ZFAND3: variants seen among roughly 807,000 people sequenced by gnomAD.
ZFAND3 encodes the protein zinc finger AN1-type containing 3.
In ZFAND3, 10 loss-of-function variants were observed where a neutral mutation model predicts 29.6. That is an observed-to-expected ratio of 0.34 (90% CI 0.21 to 0.57). The LOEUF (loss-of-function observed/expected upper bound fraction) is 0.57, where lower values mean the gene tolerates loss of function less well. ZFAND3 is among the 20% of genes least tolerant of loss of function. The pLI, the probability that ZFAND3 is intolerant of heterozygous loss-of-function variation, is 0.86. For synonymous variants in ZFAND3, 128 were observed against 112.6 expected, an observed-to-expected ratio of 1.14 and a Z score of -0.87; for missense variants, 230 against 304.5, an observed-to-expected ratio of 0.76 and a Z score of 1.82.
chr6:37,964,502 C>T (rs1327678169), intron 2 of ZFAND3, among the ~76,000 whole-genome samples: 4 of 152,308 alleles, frequency 2.6e-5, no homozygotes, highest in Middle Eastern at 6.8e-3. Context: ...CTCATAGTGT[C>T]AGTGACTGCA....
intron 1 of ZFAND3, among the ~76,000 whole-genome samples, chr6:37,856,133 A>T (rs949893170): frequency 1.3e-5 from 2 of 151,864 alleles, no homozygotes. Context: ...TAGCTGGGAC[A>T]ACAAGCACAA....
At chr6:38,051,248 C>A (rs1294189536) in intron 2 of ZFAND3, among the ~76,000 whole-genome samples, 1 of 152,144 alleles carries the variant, frequency 6.6e-6, no homozygotes, top group Admixed American at 6.5e-5. Context: ...TTTCTCCTGT[C>A]ACATCTGCAT....
intron 1 of ZFAND3, among the ~76,000 whole-genome samples, chr6:37,868,064 T>C (rs938673216): frequency 1.3e-5 from 2 of 152,264 alleles, no homozygotes; most frequent in Non-Finnish European, 2.9e-5. Flanking sequence ...TGATGTTAAT[T>C]GTTAAATTTT....
At chr6:37,991,297 A>G (rs936788254) in intron 2 of ZFAND3, among the ~76,000 whole-genome samples, 1 of 151,358 alleles carries the variant, frequency 6.6e-6, no homozygotes, top group African/African-American at 2.4e-5. Context: ...GATTATTTTT[A>G]TTTTATTAAT....
At chr6:37,899,792 G>A (rs1765285446) in intron 1 of ZFAND3, among the ~76,000 whole-genome samples, 2 of 152,138 alleles carry the variant, frequency 1.3e-5, no homozygotes, top group Admixed American at 6.5e-5. Context: ...ACAGTGAAAA[G>A]TAAATATTTT....
chr6:38,131,204 G>A (rs1272199279), intron 5 of ZFAND3, among the ~76,000 whole-genome samples: 3 of 151,892 alleles, frequency 2.0e-5, no homozygotes, highest in Admixed American at 6.6e-5. Flanking sequence ...TCTCTTCTTA[G>A]TTAATCTTGT....
intron 1 of ZFAND3, among the ~76,000 whole-genome samples, chr6:37,901,624 A>G (rs1389846447): frequency 6.6e-6 from 1 of 152,178 alleles, no homozygotes; most frequent in East Asian, 1.9e-4. Flanking sequence ...TTTCAATAAC[A>G]ACAAAAAAAG....
At chr6:38,142,806 A>T (rs540978680) in intron 5 of ZFAND3, among the ~76,000 whole-genome samples, 1 of 152,312 alleles carries the variant, frequency 6.6e-6, no homozygotes, top group South Asian at 2.1e-4. Flanking sequence ...CAGCTACTGA[A>T]ATGAAATGAT....
In ZFAND3 at chr6:38,152,627, AT is replaced by A. The variant is rs139133392; in HGVS notation, c.*248del. ...TGTATAAAATTAAAACATGAAGAAT[AT>A]TTTTTTTTTGAGCATGGCTAGTGGA... is the stretch of plus-strand genomic sequence containing the variant. On this transcript the variant is annotated 3_prime_UTR_variant, in exon 6 of 6. Coordinates refer to ENST00000287218, the MANE Select transcript of ZFAND3 (RefSeq NM_021943.3). 1,426 of 1,166,522 alleles carry A rather than the reference AT, an allele frequency of 1.2e-3. No individual in the cohort carries two copies. Among genetic ancestry groups the A allele is most frequent in the East Asian group, 4.6e-3 (124 of 26,874 alleles). The allele number at this position is 1,166,522 out of a possible 1,614,324, so 72.3% of individuals were successfully genotyped here.
Position 38,068,764 on chromosome 6 carries a change from T to G in ZFAND3, c.295+6989T>G, listed in dbSNP as rs550022371. On this transcript the variant is annotated intron_variant, in intron 3 of 5. Transcript: ENST00000287218. ...AGAACCATATTAACTGGCATGTTAG[T>G]GAGGATTTTTAATGACTAAAGCTTC... 3.3e-5 allele frequency among the ~76,000 whole-genome samples: 5 copies of G among 152,272 alleles called. No individual in the cohort carries two copies. The South Asian group carries it at 6.2e-4, about 19-fold the overall frequency.
intron 2 of ZFAND3, among the ~76,000 whole-genome samples, chr6:38,031,278 C>A (rs1329977906): frequency 6.6e-6 from 1 of 152,180 alleles, no homozygotes. Flanking sequence ...CTAGAAGTTT[C>A]TTTCACCTTC....
At chr6:38,103,472 TATATATACACAC>T (rs1446302175) in intron 4 of ZFAND3, among the ~76,000 whole-genome samples, 24 of 27,502 alleles carry the variant, frequency 8.7e-4, no homozygotes, top group Non-Finnish European at 9.8e-4. Context: ...TACACGTGTA[TATATATACACAC>T]ATATATACAC....
chr6:38,092,475 C>G (rs1419706208), intron 4 of ZFAND3, among the ~76,000 whole-genome samples: 1 of 152,190 alleles, frequency 6.6e-6, no homozygotes, highest in Non-Finnish European at 1.5e-5. Context: ...TAGATTATGC[C>G]AATCATTAGG....
chr6:37,932,088 G>T (rs1761607261), intron 2 of ZFAND3, among the ~76,000 whole-genome samples: 1 of 152,060 alleles, frequency 6.6e-6, no homozygotes, highest in Non-Finnish European at 1.5e-5. Flanking sequence ...GGCCAACATG[G>T]CGAAACCCCG....
At chr6:38,090,196 T>G (rs902974254) in intron 4 of ZFAND3, among the ~76,000 whole-genome samples, 1 of 152,206 alleles carries the variant, frequency 6.6e-6, no homozygotes, top group African/African-American at 2.4e-5. Context: ...AATTCACTTT[T>G]CAAATCTTTC....
intron 3 of ZFAND3, among the ~76,000 whole-genome samples, chr6:38,081,210 A>C (rs1170071143): frequency 6.6e-6 from 1 of 151,674 alleles, no homozygotes; most frequent in Non-Finnish European, 1.5e-5. Flanking sequence ...GTGGTGACAC[A>C]TAGTAGGTAT....
chr6:38,027,595 T>C (rs1581850757), intron 2 of ZFAND3, among the ~76,000 whole-genome samples: 1 of 152,232 alleles, frequency 6.6e-6, no homozygotes, highest in Admixed American at 6.5e-5. Flanking sequence ...GTGTAACTTA[T>C]CTAGCTTTCA....
rs1766281155 is a variant in ZFAND3, at chr6:38,153,557, C to G, written c.*1168C>G. On this transcript the variant is annotated 3_prime_UTR_variant, in exon 6 of 6. Coordinates refer to ENST00000287218, the MANE Select transcript of ZFAND3 (RefSeq NM_021943.3). ...ACAGCGGTTTGTGGCTGTGGCCCAGCTCCGAGAGTGATATTTGCTCTGGTA... is the reference window on the plus strand; with the variant it reads ...ACAGCGGTTTGTGGCTGTGGCCCAGGTCCGAGAGTGATATTTGCTCTGGTA... 1 of 985,532 alleles carries G rather than the reference C, an allele frequency of 1.0e-6. No homozygotes were observed. Among genetic ancestry groups the G allele is most frequent in the Non-Finnish European group, 1.2e-6 (1 of 830,008 alleles). 61.0% of individuals were successfully genotyped at this position (985,532 alleles called of 1,614,324 possible).
chr6:37,918,970 T>TTTTTTTTTTTTTTTTTTTTTTTC (rs1761320899), intron 1 of ZFAND3, among the ~76,000 whole-genome samples: 1 of 112,398 alleles, frequency 8.9e-6, no homozygotes, highest in African/African-American at 3.2e-5. Context: ...TTTTTTTTTT[T>TTTTTTTTTTTTTTTTTTTTTTTC]TGAGACGGAG....
Sources: gnomAD v4.1 joint callset for allele counts (sites outside exome capture counted in the v4.1 genomes callset) on GRCh38, gnomAD v4.1.1 for gene constraint, MANE v1.5 for transcripts, NCBI Gene and HGNC (gene_info 2026-07-23, HGNC 2026-07-21) for gene names.